The following INTS6L variants were observed in gnomAD, a reference collection of about 807,000 sequenced individuals.
The protein encoded by INTS6L is integrator complex subunit 6-like.
A neutral mutation model predicts 64.7 loss-of-function variants in INTS6L; 18 were observed. The observed-to-expected ratio is 0.28, with a 90% CI of 0.19 to 0.41. The LOEUF (loss-of-function observed/expected upper bound fraction) is 0.41. INTS6L is among the 10% of genes least tolerant of loss of function. The probability of loss-of-function intolerance (pLI) is 1.00; values close to 1 mark genes in which losing one functional copy is unlikely to be tolerated. For missense variants in INTS6L, 533 were observed against 661.0 expected, an observed-to-expected ratio of 0.81 and a Z score of 2.12; for synonymous variants, 227 against 235.9, an observed-to-expected ratio of 0.96 and a Z score of 0.34.
At chrX:135,544,668 GT>G (rs1315540389) in intron 2 of INTS6L, among the ~76,000 whole-genome samples, 1 of 111,276 alleles carries the variant, frequency 9.0e-6, no homozygotes, top group Non-Finnish European at 1.9e-5. Context: ...TTGCTGCTTT[GT>G]TTTTATACCC....
chrX:135,579,884 T>G lies in INTS6L; in HGVS notation c.2216T>G (p.Ile739Arg), dbSNP rs782730514. 7.7e-5 allele frequency: 93 copies of G among 1,209,874 alleles called. No homozygotes were observed. The highest frequency in any genetic ancestry group is 1.0e-4 in the Non-Finnish European group (91 of 895,190). Residue 739 changes from isoleucine to arginine, a missense_variant, in exon 16 of 18, where the codon ATA becomes AGA. By Grantham distance (97) the Ile-to-Arg change is moderately conservative (BLOSUM62 -3). Transcript: ENST00000639893. ...FLSKSAPSEL[I>R]NMTGDLMPPN... The stretch of plus-strand genomic sequence containing the variant: ...TCAAAATCTGCTCCATCAGAGCTTA[T>G]AAATATGACAGGAGATCTTATGCCA...
At chrX:135,543,495 C>T (rs181281139) in intron 2 of INTS6L, among the ~76,000 whole-genome samples, 242 of 111,567 alleles carry the variant, frequency 2.2e-3, no homozygotes, top group Non-Finnish European at 2.9e-3. Context: ...AGTGAGAAGC[C>T]TTCCCTCACT....
intron 8 of INTS6L, among the ~76,000 whole-genome samples, chrX:135,555,132 G>C (rs1443888124): frequency 9.1e-6 from 1 of 110,189 alleles, no homozygotes; most frequent in Non-Finnish European, 1.9e-5. Context: ...CAGGTGATCC[G>C]CCCGCCTCGG....
At chrX:135,550,025 C>T (rs187602143) in intron 7 of INTS6L, among the ~76,000 whole-genome samples, 2 of 112,387 alleles carry the variant, frequency 1.8e-5, no homozygotes, top group Admixed American at 9.4e-5. Flanking sequence ...CAGTTGCCTT[C>T]GCCACTTGAG....
At chrX:135,544,459 C>T (rs1375070673) in intron 2 of INTS6L, among the ~76,000 whole-genome samples, 1 of 111,473 alleles carries the variant, frequency 9.0e-6, no homozygotes, top group African/African-American at 3.3e-5. Context: ...TTGTTTTCCA[C>T]CTCTAGCTGT....
chrX:135,545,440 T>A lies in INTS6L; in HGVS notation c.207T>A (p.Asn69Lys). 8.3e-7 allele frequency: 1 copy of A among 1,209,044 alleles called. No homozygotes were observed. Among genetic ancestry groups the A allele is most frequent in the Non-Finnish European group, 1.1e-6 (1 of 894,914 alleles). ...PYCIKAGWKE[N>K]HATFMSELKN... ...GTTTGCAGGCTGGTTGGAAGGAAAA[T>A]CATGCAACATTCATGAGCGAACTAA... Residue 69 changes from asparagine (N) to lysine (K), a missense_variant, in exon 3 of 18, where the codon AAT (asparagine) becomes AAA (lysine). Physicochemically the swap from Asn to Lys is moderately conservative, Grantham distance 94. Coordinates refer to ENST00000639893, the MANE Select transcript of INTS6L (RefSeq NM_001351601.3).
chrX:135,572,734 A>T (rs1432180474), intron 11 of INTS6L, 81 bp from the exon 12 acceptor site: 3 of 848,257 alleles, frequency 3.5e-6, no homozygotes, highest in Non-Finnish European at 4.9e-6. Context: ...TGGGGTTCTG[A>T]AAGTATTATC....
intron 2 of INTS6L, among the ~76,000 whole-genome samples, chrX:135,531,812 T>C (rs1556505547): frequency 8.9e-6 from 1 of 111,933 alleles, no homozygotes; most frequent in African/African-American, 3.3e-5. Flanking sequence ...CACTGTCTCT[T>C]CTACCCTCTG....
intron 2 of INTS6L, among the ~76,000 whole-genome samples, chrX:135,535,768 C>T (rs1247663993): frequency 8.9e-6 from 1 of 112,056 alleles, no homozygotes; most frequent in Non-Finnish European, 1.9e-5. Flanking sequence ...AATTTAGACT[C>T]TGGCTTTAAC....
chrX:135,522,698 C>A (rs1427871841), intron 2 of INTS6L, among the ~76,000 whole-genome samples: 1 of 111,774 alleles, frequency 8.9e-6, no homozygotes, highest in Non-Finnish European at 1.9e-5. Context: ...AAAGAGTGTT[C>A]CTTCAAGCAT....
intron 2 of INTS6L, among the ~76,000 whole-genome samples, chrX:135,534,743 C>T (rs193138565): frequency 3.9e-5 from 4 of 101,500 alleles, no homozygotes; most frequent in African/African-American, 1.1e-4. Flanking sequence ...GGTGTAGTGG[C>T]GTTATCGTAG....
chrX:135,551,937 T>C (rs1166058263), intron 7 of INTS6L, 57 bp from the exon 8 acceptor site: 2 of 993,812 alleles, frequency 2.0e-6, no homozygotes, highest in Non-Finnish European at 1.3e-6. Context: ...GTCAGAAATA[T>C]AAGCTTGCTT....
At chrX:135,543,979 T>C (rs781918546) in intron 2 of INTS6L, among the ~76,000 whole-genome samples, 2 of 112,399 alleles carry the variant, frequency 1.8e-5, no homozygotes, top group Non-Finnish European at 3.8e-5. Flanking sequence ...TTAGGAACAT[T>C]AAAATAAAAG....
Position 135,581,349 on chromosome X carries a change from G to A in INTS6L, c.2589-179G>A, listed in dbSNP as rs3737330. Among the ~76,000 whole-genome samples the A allele has an allele frequency of 0.38, 41,620 of 110,758 alleles. 6,292 individuals carry two copies. Among genetic ancestry groups the A allele is most frequent in the South Asian group, 0.64 (1,662 of 2,583 alleles). ...TCCTTCTACTTTTATCATAGCCTCA[G>A]GTAGGCTTGGGCCCTCAATTGCCAC... On this transcript the variant is annotated intron_variant, in intron 17 of 17. Transcript: ENST00000639893.
At chrX:135,552,461 C>G (rs1556517427) in intron 8 of INTS6L, among the ~76,000 whole-genome samples, 1 of 112,251 alleles carries the variant, frequency 8.9e-6, no homozygotes. Flanking sequence ...TACTTCACTT[C>G]AGGTATGGCG....
chrX:135,572,387 T>A (rs2087112653), intron 11 of INTS6L: 1 of 114,051 alleles, frequency 8.8e-6, no homozygotes, highest in Non-Finnish European at 1.8e-5. Flanking sequence ...ATAGTTTAAT[T>A]TTTTCAGATA....
intron 2 of INTS6L, among the ~76,000 whole-genome samples, chrX:135,529,727 A>G (rs1477628225): frequency 1.8e-5 from 2 of 112,350 alleles, no homozygotes; most frequent in African/African-American, 3.2e-5. Context: ...TATTTCAGAT[A>G]TGATTTGACT....
Position 135,579,798 on chromosome X carries a change from C to A in INTS6L, c.2130C>A (p.Ile710=), listed in dbSNP as rs1380385821. 5 of 1,182,545 alleles carry A rather than the reference C, an allele frequency of 4.2e-6. No homozygotes were observed. In the Admixed American group the frequency reaches 1.2e-4, roughly 27 times the overall value. Residue 710 remains isoleucine, a synonymous_variant, in exon 16 of 18, where the codon ATC becomes ATA. Coordinates refer to ENST00000639893, the MANE Select transcript of INTS6L (RefSeq NM_001351601.3). ...KPTLVHTDAT[I]IHDGHEEKME... ...TCATTTGGTTTCCAGATGCTACTAT[C>A]ATTCACGATGGCCATGAGGAGAAGA...
At chrX:135,576,211 C>T (rs1556530816) in intron 14 of INTS6L, among the ~76,000 whole-genome samples, 1 of 109,082 alleles carries the variant, frequency 9.2e-6, no homozygotes, top group African/African-American at 3.3e-5. Flanking sequence ...CCTGTAATCC[C>T]AGCTACTCTG....
Sources: gnomAD v4.1 joint callset for allele counts (sites outside exome capture counted in the v4.1 genomes callset) on GRCh38, gnomAD v4.1.1 for gene constraint, MANE v1.5 for transcripts, NCBI Gene and HGNC (gene_info 2026-07-23, HGNC 2026-07-21) for gene names.